The following SLC25A43 variants were observed in gnomAD, a reference collection of about 807,000 sequenced individuals.
The protein encoded by SLC25A43 is solute carrier family 25 member 43, also known as solute carrier family 25, member 43.
SLC25A43 carries 10 observed loss-of-function variants against 22.8 expected under a neutral mutation model. That is an observed-to-expected ratio of 0.44 (90% CI 0.27 to 0.74). SLC25A43 has a LOEUF of 0.74. Ranked by LOEUF, SLC25A43 falls within the 30% of genes least tolerant of loss-of-function variation. SLC25A43 has a pLI of 0.17. For synonymous variants in SLC25A43, 106 were observed against 121.6 expected (o/e 0.87, Z 0.84); for missense variants, 233 against 279.1 (o/e 0.83, Z 1.18).
chrX:119,421,892 G>T (rs1206519398), intron 3 of SLC25A43, among the ~76,000 whole-genome samples: 1 of 111,549 alleles, frequency 9.0e-6, no homozygotes, highest in African/African-American at 3.3e-5. Flanking sequence ...TTTGTTCTAA[G>T]AGCTTTGTGG....
In SLC25A43 at chrX:119,406,550, T is replaced by C; in HGVS notation, c.366T>C (p.Ile122=). The C allele has an allele frequency of 8.3e-7, 1 of 1,211,568 alleles. No individual in the cohort carries two copies. Among genetic ancestry groups the C allele is most frequent in the Non-Finnish European group, 1.1e-6 (1 of 895,456 alleles). ...GTCTCGCAGGCATGGTTTCCACCAT[T>C]GTAACATATCCTACAGACCTCATCA... is the stretch of plus-strand genomic sequence containing the variant. ...AGSLAGMVST[I]VTYPTDLIKT... Residue 122 remains isoleucine, a synonymous_variant, in exon 2 of 5, where the codon ATT becomes ATC. Transcript: ENST00000217909.
intron 3 of SLC25A43, among the ~76,000 whole-genome samples, chrX:119,420,944 T>A: frequency 9.1e-6 from 1 of 109,892 alleles, no homozygotes. Flanking sequence ...CCGTCTCTAC[T>A]AAAACACACA....
Position 119,416,959 on chromosome X carries a change from T to A in SLC25A43, c.690+6597T>A, listed in dbSNP as rs190155484. Among the ~76,000 whole-genome samples the A allele has an allele frequency of 9.4e-4, 106 of 112,239 alleles. 1 individual carries two copies. Among genetic ancestry groups the A allele is most frequent in the African/African-American group, 3.4e-3 (105 of 30,980 alleles). On this transcript the variant is annotated intron_variant, in intron 3 of 4. Transcript: ENST00000217909. ...TACTGTAAGTGTTTTATTCATTTTT[T>A]AAAAATCCTGGTCCTAAGAATTTCT... is the stretch of plus-strand genomic sequence containing the variant.
intron 2 of SLC25A43, 33 bp from the exon 3 acceptor site, chrX:119,410,157 C>T: frequency 3.3e-6 from 4 of 1,201,340 alleles, no homozygotes; most frequent in Non-Finnish European, 4.5e-6. Flanking sequence ...TTTCCCAAGA[C>T]AGCAGCAGCT....
At chrX:119,445,190 C>A (rs922661527) in intron 3 of SLC25A43, among the ~76,000 whole-genome samples, 4 of 110,917 alleles carry the variant, frequency 3.6e-5, no homozygotes, top group Admixed American at 9.7e-5. Flanking sequence ...ACAGATCACT[C>A]AACCATGCAT....
intron 3 of SLC25A43, among the ~76,000 whole-genome samples, chrX:119,443,448 C>CTCT (rs1556098412): frequency 4.0e-4 from 29 of 72,590 alleles, no homozygotes; most frequent in Non-Finnish European, 6.4e-4. Flanking sequence ...CTCTCTCTCT[C>CTCT]TTTTTTTTTT....
chrX:119,450,730 T>C (rs1355022743), intron 3 of SLC25A43, among the ~76,000 whole-genome samples: 2 of 104,903 alleles, frequency 1.9e-5, no homozygotes, highest in Non-Finnish European at 3.9e-5. Context: ...CCAAAGTATG[T>C]GTATAGCTTA....
intron 2 of SLC25A43, among the ~76,000 whole-genome samples, chrX:119,408,076 C>T (rs769739744): frequency 9.0e-6 from 1 of 110,594 alleles, no homozygotes; most frequent in South Asian, 3.9e-4. Flanking sequence ...GCCCTCATTT[C>T]ACTGCTCTCC....
intron 3 of SLC25A43, among the ~76,000 whole-genome samples, chrX:119,446,151 CAAAAAAAAAAAAAAAAAAA>C (rs3078475): frequency 2.6e-5 from 1 of 38,719 alleles, no homozygotes; most frequent in African/African-American, 1.0e-4. Flanking sequence ...GACTCCATCT[CAAAAAAAAAAAAAAAAAAA>C]AAAAAAAAGA....
At chrX:119,450,952 C>A (rs1358000670) in intron 3 of SLC25A43, among the ~76,000 whole-genome samples, 1 of 111,825 alleles carries the variant, frequency 8.9e-6, no homozygotes, top group Admixed American at 9.5e-5. Flanking sequence ...CACTTGAGGC[C>A]AGGAGTTTCA....
chrX:119,452,833 C>G (rs770637334), intron 4 of SLC25A43, 32 bp from the exon 5 acceptor site: 2 of 1,144,710 alleles, frequency 1.7e-6, no homozygotes, highest in African/African-American at 3.6e-5. Context: ...TTTTTAAGAA[C>G]TTAACTTGAT....
intron 3 of SLC25A43, among the ~76,000 whole-genome samples, chrX:119,424,635 A>G (rs1417236638): frequency 9.6e-6 from 1 of 104,246 alleles, no homozygotes; most frequent in Non-Finnish European, 2.0e-5. Context: ...GAGAAAATCA[A>G]TACTTTGCAA....
intron 3 of SLC25A43, among the ~76,000 whole-genome samples, chrX:119,425,627 GAAAAA>G (rs58579795): frequency 4.7e-5 from 4 of 85,451 alleles, no homozygotes; most frequent in African/African-American, 1.3e-4. Flanking sequence ...TTAGCAGTCA[GAAAAA>G]AAAAAAAAAA....
rs1433613163 is a variant in SLC25A43 at position 119,453,872 on chromosome X, A to G, written c.*807A>G. 8.9e-6 allele frequency: 1 copy of G among 112,457 alleles called. No individual in the cohort carries two copies. Among genetic ancestry groups the G allele is most frequent in the Non-Finnish European group, 1.9e-5 (1 of 53,292 alleles). The allele number at this position is 112,457 out of a possible 1,213,427, so 9.3% of individuals were successfully genotyped here. A position where few individuals can be genotyped will look rare whatever the true frequency, so the allele number is the denominator to read the frequency against. ...TTTTTGCTGACATCTGAGTGCACAC[A>G]CCACAGTGTAAATTATGCCTTATCA... On this transcript the variant is annotated 3_prime_UTR_variant, in exon 5 of 5. Coordinates refer to ENST00000217909, the MANE Select transcript of SLC25A43 (RefSeq NM_145305.3).
At chrX:119,446,070 T>C (rs568737724) in intron 3 of SLC25A43, among the ~76,000 whole-genome samples, 5 of 101,683 alleles carry the variant, frequency 4.9e-5, no homozygotes, top group South Asian at 9.5e-4. Context: ...GGAGAATTGC[T>C]TGAATCTGGG....
Position 119,399,596 on chromosome X carries a change from C to A in SLC25A43, c.193C>A (p.Leu65Ile). The part of the protein sequence containing the change: ...TGHRVWRAEG[L>I]RALWKGNAVA... The stretch of plus-strand genomic sequence containing the variant: ...GCACCGGGTGTGGCGGGCAGAGGGG[C>A]TCCGGGCCCTGTGGAAGGGGAACGC... The change falls in exon 1 of 5, where the codon CTC becomes ATC. Residue 65 changes from leucine to isoleucine, a missense_variant. Transcript: ENST00000217909. 9.6e-7 allele frequency: 1 copy of A among 1,038,292 alleles called. No individual in the cohort carries two copies. The highest frequency in any genetic ancestry group is 1.2e-6 in the Non-Finnish European group (1 of 814,434). The allele number at this position is 1,038,292 out of a possible 1,213,427, so 85.6% of individuals were successfully genotyped here.
At chrX:119,443,012 C>T (rs936360183) in intron 3 of SLC25A43, among the ~76,000 whole-genome samples, 6 of 111,164 alleles carry the variant, frequency 5.4e-5, no homozygotes, top group African/African-American at 2.0e-4. Flanking sequence ...GAAAAATAGA[C>T]ATGTAAATTG....
At chrX:119,449,187 G>A (rs778688620) in intron 3 of SLC25A43, among the ~76,000 whole-genome samples, 1 of 110,232 alleles carries the variant, frequency 9.1e-6, no homozygotes, top group East Asian at 2.8e-4. Context: ...GCCGAGGCAG[G>A]TGGATCACCT....
chrX:119,449,142 G>A (rs927086327), intron 3 of SLC25A43, among the ~76,000 whole-genome samples: 1 of 110,622 alleles, frequency 9.0e-6, no homozygotes, highest in African/African-American at 3.3e-5. Flanking sequence ...GGCCGGGCAC[G>A]GTGGCTCATA....
Sources: gnomAD v4.1 joint callset for allele counts (sites outside exome capture counted in the v4.1 genomes callset) on GRCh38, gnomAD v4.1.1 for gene constraint, MANE v1.5 for transcripts, NCBI Gene and HGNC (gene_info 2026-07-23, HGNC 2026-07-21) for gene names.